Variants in PTPRG observed in about 807,000 individuals in gnomAD.
PTPRG encodes receptor-type tyrosine-protein phosphatase gamma.
A neutral mutation model predicts 165.3 loss-of-function variants in PTPRG; 102 were observed. That is an observed-to-expected ratio of 0.62 (90% CI 0.53 to 0.73). PTPRG has a LOEUF of 0.73. Among genes scored for constraint, PTPRG ranks in the 30% least tolerant of loss-of-function variants. PTPRG has a pLI of 0.00. For missense variants in PTPRG, 1,866 were observed against 1,861.4 expected (o/e 1.00, Z -0.05); for synonymous variants, 675 against 669.5 (o/e 1.01, Z -0.13).
At chr3:61,712,762 T>C (rs1049323710) in intron 1 of PTPRG, among the ~76,000 whole-genome samples, 2 of 152,250 alleles carry the variant, frequency 1.3e-5, no homozygotes, top group Non-Finnish European at 1.5e-5. Context: ...AATGGACTAA[T>C]ACATCTATCT....
rs140706328 is a variant in PTPRG, at chr3:62,020,670, G to A, written c.519+17173G>A. 2.0e-5 allele frequency among the ~76,000 whole-genome samples: 3 copies of A among 152,182 alleles called. No individual in the cohort carries two copies. In the East Asian group the frequency reaches 5.8e-4, roughly 29 times the overall value. ...TCAGAGGGCAGCACCCAGGCCAGCA[G>A]CAAGTACTTAGCAGGGGCTTATTTC... On this transcript the variant is annotated intron_variant, in intron 4 of 29. Transcript: ENST00000474889.
chr3:62,089,950 G>A (rs1397469478), intron 5 of PTPRG, among the ~76,000 whole-genome samples: 1 of 152,140 alleles, frequency 6.6e-6, no homozygotes, highest in African/African-American at 2.4e-5. Context: ...TGCAATGGGA[G>A]GAGTTGCTAC....
At chr3:62,042,900 A>G (rs1424194300) in intron 4 of PTPRG, among the ~76,000 whole-genome samples, 1 of 152,200 alleles carries the variant, frequency 6.6e-6, no homozygotes, top group African/African-American at 2.4e-5. Context: ...GGAGCACAGG[A>G]TAGGAATTAG....
At chr3:62,050,122 T>C (rs780362833) in intron 4 of PTPRG, among the ~76,000 whole-genome samples, 7 of 152,166 alleles carry the variant, frequency 4.6e-5, no homozygotes, top group African/African-American at 7.2e-5. Flanking sequence ...GTCAATCCAT[T>C]ATATGAAAGA....
intron 2 of PTPRG, among the ~76,000 whole-genome samples, chr3:61,978,839 G>T (rs1257049220): frequency 1.3e-5 from 2 of 152,186 alleles, no homozygotes; most frequent in African/African-American, 2.4e-5. Flanking sequence ...AAAACAGGTT[G>T]TGGGCTGGAT....
intron 9 of PTPRG, among the ~76,000 whole-genome samples, chr3:62,193,631 G>A (rs1162301177): frequency 6.6e-6 from 1 of 152,206 alleles, no homozygotes; most frequent in African/African-American, 2.4e-5. Flanking sequence ...GTGGGCAGGT[G>A]TTATTGCCCG....
At chr3:61,834,478 T>C (rs1463881329) in intron 2 of PTPRG, among the ~76,000 whole-genome samples, 1 of 152,136 alleles carries the variant, frequency 6.6e-6, no homozygotes, top group African/African-American at 2.4e-5. Flanking sequence ...GGAGGATCGC[T>C]TGAGCCCAGG....
chr3:61,565,676 T>A (rs1207682762), intron 1 of PTPRG, among the ~76,000 whole-genome samples: 1 of 150,920 alleles, frequency 6.6e-6, no homozygotes, highest in East Asian at 1.9e-4. Context: ...ATATGTTTTG[T>A]ATTGTAATTA....
At chr3:61,635,799 T>G (rs1701893465) in intron 1 of PTPRG, among the ~76,000 whole-genome samples, 1 of 152,178 alleles carries the variant, frequency 6.6e-6, no homozygotes, top group South Asian at 2.1e-4. Flanking sequence ...ATTTTCTAAT[T>G]TATTTACTAA....
intron 1 of PTPRG, among the ~76,000 whole-genome samples, chr3:61,624,274 C>A (rs1330594062): frequency 6.6e-6 from 1 of 152,024 alleles, no homozygotes; most frequent in East Asian, 1.9e-4. Context: ...GAAAATCTAC[C>A]CCCTCCTCCT....
In PTPRG at chr3:62,262,850, A is replaced by T. The variant is rs1701741407; in HGVS notation, c.2612A>T (p.His871Leu). 1 of 1,613,844 alleles carries T rather than the reference A, an allele frequency of 6.2e-7. No homozygotes were observed. The highest frequency in any genetic ancestry group is 1.3e-5 in the African/African-American group (1 of 74,924). The change falls in exon 17 of 30, where the codon CAT (histidine) becomes CTT (leucine). Residue 871 changes from histidine to leucine, a missense_variant. Transcript: ENST00000474889. ...AACATCACTGCAGAGCATTCCAATCATCCAGAAAACAAGCACAAAAACAGA... is the reference window on the plus strand; with the variant it reads ...AACATCACTGCAGAGCATTCCAATCTTCCAGAAAACAAGCACAAAAACAGA... ...DMNITAEHSN[H>L]PENKHKNRYI...
At position 62,190,394 on chromosome 3, in the gene PTPRG, T is replaced by A. The variant is rs1344761709; in HGVS notation, c.1034-1075T>A. On this transcript the variant is annotated intron_variant, in intron 8 of 29. Transcript: ENST00000474889. This position sits in a 1 kb window ranked among gnomAD's most constrained non-coding sequence, Gnocchi z 5.2. ...AAGGCAGGCAGCACGGCCACACGGGTCTGGACACCCCTGAGAAAGCACACA... is the reference window on the plus strand; with the variant it reads ...AAGGCAGGCAGCACGGCCACACGGGACTGGACACCCCTGAGAAAGCACACA... Among the ~76,000 whole-genome samples the A allele has an allele frequency of 6.6e-6, 1 of 152,154 alleles. No homozygotes were observed. Among genetic ancestry groups the A allele is most frequent in the African/African-American group, 2.4e-5 (1 of 41,446 alleles).
intron 2 of PTPRG, among the ~76,000 whole-genome samples, chr3:61,837,870 C>T (rs2036516855): frequency 6.6e-6 from 1 of 152,164 alleles, no homozygotes; most frequent in African/African-American, 2.4e-5. Context: ...CTTCTGAGGC[C>T]TCTCCCCTTG....
At chr3:61,583,405 C>A (rs1700352802) in intron 1 of PTPRG, among the ~76,000 whole-genome samples, 1 of 152,164 alleles carries the variant, frequency 6.6e-6, no homozygotes, top group Non-Finnish European at 1.5e-5. Context: ...CCCAGTACAT[C>A]TATAAGATGG....
chr3:61,803,457 C>T (rs1336715654), intron 2 of PTPRG, among the ~76,000 whole-genome samples: 2 of 117,630 alleles, frequency 1.7e-5, no homozygotes, highest in Non-Finnish European at 3.6e-5. Context: ...TGCCTGGTAG[C>T]CATTGTTTTG....
At chr3:61,662,581 T>A (rs1702696221) in intron 1 of PTPRG, among the ~76,000 whole-genome samples, 1 of 152,218 alleles carries the variant, frequency 6.6e-6, no homozygotes, top group African/African-American at 2.4e-5. Context: ...CATTACGTTG[T>A]GGGATAATTT....
intron 13 of PTPRG, among the ~76,000 whole-genome samples, chr3:62,223,843 G>A (rs760045406): frequency 2.6e-5 from 4 of 152,280 alleles, no homozygotes; most frequent in Non-Finnish European, 4.4e-5. Flanking sequence ...TCATCACATT[G>A]TATAGCTGTA....
intron 2 of PTPRG, among the ~76,000 whole-genome samples, chr3:61,923,669 A>G (rs1033854464): frequency 7.2e-6 from 1 of 138,908 alleles, no homozygotes; most frequent in Admixed American, 7.5e-5. Context: ...TATGAGCACC[A>G]CCATGTCCAG....
rs367764773 is a variant in PTPRG, at chr3:61,931,609, C to G, written c.191-58016C>G. Among the ~76,000 whole-genome samples, 35 of 152,282 alleles carry G rather than the reference C, an allele frequency of 2.3e-4. 1 individual carries two copies. In the East Asian group the frequency reaches 6.4e-3, roughly 28 times the overall value. ...CCCGTGTCCTCTTAGAGCTGCCTTC[C>G]CACCCTCTTCTAACCTTGACTTTAC... is the stretch of plus-strand genomic sequence containing the variant. On this transcript the variant is annotated intron_variant, in intron 2 of 29. Coordinates refer to ENST00000474889, the MANE Select transcript of PTPRG (RefSeq NM_002841.4).
Sources: allele counts gnomAD v4.1 joint callset (sites outside exome capture counted in the v4.1 genomes callset), GRCh38; gene constraint gnomAD v4.1.1; non-coding constraint Gnocchi (gnomAD v3.1); transcripts MANE v1.5; gene names NCBI Gene and HGNC (gene_info 2026-07-23, HGNC 2026-07-21).